The following WWC2 variants were observed in gnomAD, a reference collection of about 807,000 sequenced individuals.
The protein encoded by WWC2 is WW and C2 domain containing 2.
In WWC2, 101 loss-of-function variants were observed where a neutral mutation model predicts 138.5. The observed-to-expected ratio is 0.73, with a 90% CI of 0.62 to 0.86. WWC2 has a LOEUF of 0.86. Ranked by LOEUF, WWC2 falls within the 40% of genes least tolerant of loss-of-function variation. The probability of loss-of-function intolerance (pLI) is 0.00; values close to 1 mark genes in which losing one functional copy is unlikely to be tolerated. For synonymous variants in WWC2, 558 were observed against 538.4 expected, an observed-to-expected ratio of 1.04 and a Z score of -0.50; for missense variants, 1,420 against 1,419.4, an observed-to-expected ratio of 1.00 and a Z score of -0.01.
intron 6 of WWC2, among the ~76,000 whole-genome samples, chr4:183,247,517 A>G (rs1221559013): frequency 2.8e-5 from 4 of 142,520 alleles, no homozygotes; most frequent in East Asian, 3.9e-4. Context: ...TATATACACT[A>G]TACTATATAT....
intron 4 of WWC2, among the ~76,000 whole-genome samples, chr4:183,230,590 T>A (rs751560903): frequency 4.6e-5 from 7 of 152,066 alleles, no homozygotes; most frequent in Non-Finnish European, 8.8e-5. Context: ...GGCAGGAGAA[T>A]CGCTTGAACC....
Position 183,245,409 on chromosome 4 carries a change from T to C in WWC2, c.603-7T>C, listed in dbSNP as rs1243240385. ...GATATTTTTTCTTTCTTTTTCTCTT[T>C]TCACAGAATTGATAAAAAAATGTCT... On this transcript the variant is annotated splice_region_variant and splice_polypyrimidine_tract_variant and intron_variant, in intron 5 of 22. Coordinates refer to ENST00000403733, the MANE Select transcript of WWC2 (RefSeq NM_024949.6). The C allele has an allele frequency of 2.0e-6, 3 of 1,534,804 alleles. No individual in the cohort carries two copies. Among genetic ancestry groups the C allele is most frequent in the Non-Finnish European group, 2.6e-6 (3 of 1,149,018 alleles).
chr4:183,114,741 G>A (rs1732357927), intron 1 of WWC2, among the ~76,000 whole-genome samples: 1 of 151,934 alleles, frequency 6.6e-6, no homozygotes, highest in Non-Finnish European at 1.5e-5. Context: ...TGGGTAGATA[G>A]TGTGTTGCGG....
Position 183,259,717 on chromosome 4 carries a change from A to G in WWC2, c.1275A>G (p.Ser425=). ...ETTKLTTYLH[S]QLKSLSASTL... ...CTAAATTAACTACTTATTTGCATTC[A>G]CAACTTAAAAGGTGAGCTTATCAGA... The change falls in exon 10 of 23, where the codon TCA becomes TCG. Residue 425 remains serine (S), a synonymous_variant. Coordinates refer to ENST00000403733, the MANE Select transcript of WWC2 (RefSeq NM_024949.6). 6.5e-7 allele frequency: 1 copy of G among 1,545,488 alleles called. No homozygotes were observed. The highest frequency in any genetic ancestry group is 8.7e-7 in the Non-Finnish European group (1 of 1,144,696).
At chr4:183,212,846 GCTT>G (rs1395323914) in intron 4 of WWC2, among the ~76,000 whole-genome samples, 1 of 152,090 alleles carries the variant, frequency 6.6e-6, no homozygotes, top group Non-Finnish European at 1.5e-5. Flanking sequence ...CTTAGATTAA[GCTT>G]CTTCTATGCC....
At chr4:183,212,553 G>T (rs1350019755) in intron 4 of WWC2, among the ~76,000 whole-genome samples, 2 of 152,130 alleles carry the variant, frequency 1.3e-5, no homozygotes, top group Non-Finnish European at 2.9e-5. Flanking sequence ...GCACTTCTCA[G>T]CAAGTTATTA....
intron 3 of WWC2, 101 bp from the exon 4 acceptor site, chr4:183,208,848 A>G: frequency 2.7e-6 from 2 of 739,384 alleles, no homozygotes; most frequent in Non-Finnish European, 2.2e-6. Flanking sequence ...GCAAGTATTC[A>G]CAGAAGCACA....
intron 8 of WWC2, among the ~76,000 whole-genome samples, chr4:183,251,705 C>G (rs971653395): frequency 2.6e-5 from 4 of 152,168 alleles, no homozygotes; most frequent in African/African-American, 9.7e-5. Flanking sequence ...GACATTGGTT[C>G]TTTCCCACTT....
intron 1 of WWC2, among the ~76,000 whole-genome samples, chr4:183,120,845 C>T (rs1732576536): frequency 1.3e-5 from 2 of 152,200 alleles, no homozygotes; most frequent in Admixed American, 1.3e-4. Context: ...ACCTCCTGGG[C>T]TCAGGCAGTT....
At chr4:183,215,122 A>G (rs1473568030) in intron 4 of WWC2, among the ~76,000 whole-genome samples, 2 of 152,222 alleles carry the variant, frequency 1.3e-5, no homozygotes, top group South Asian at 2.1e-4. Flanking sequence ...TTTCTCCTAT[A>G]CAGCCATACC....
At chr4:183,239,486 C>A (rs1050565959) in intron 4 of WWC2, among the ~76,000 whole-genome samples, 1 of 152,090 alleles carries the variant, frequency 6.6e-6, no homozygotes, top group African/African-American at 2.4e-5. Flanking sequence ...ATATATTTGA[C>A]AACAGGAAAA....
Position 183,282,724 on chromosome 4 carries a change from G to C in WWC2, c.2701G>C (p.Glu901Gln). 6.4e-7 allele frequency: 1 copy of C among 1,571,640 alleles called. No individual in the cohort carries two copies. Among genetic ancestry groups the C allele is most frequent in the Non-Finnish European group, 8.6e-7 (1 of 1,157,550 alleles). ...TTACCATAGGCTAACAATGCTAAGA[G>C]AGGCCTCTGATGAAATTGTGGCTGA... The part of the protein sequence containing the change: ...PDGDWLTMLR[E>Q]ASDEIVAEKE... The change falls in exon 18 of 23, where the codon GAG becomes CAG. Residue 901 changes from glutamate (E) to glutamine (Q), a missense_variant. By Grantham distance (29) the Glu-to-Gln change is conservative. Coordinates refer to ENST00000403733, the MANE Select transcript of WWC2 (RefSeq NM_024949.6).
chr4:183,129,598 G>T (rs1300913732), intron 1 of WWC2, among the ~76,000 whole-genome samples: 1 of 152,186 alleles, frequency 6.6e-6, no homozygotes, highest in East Asian at 1.9e-4. Context: ...GCCTTATGAA[G>T]TGGTATGTTT....
chr4:183,211,664 C>T (rs1416272626), intron 4 of WWC2, among the ~76,000 whole-genome samples: 1 of 152,114 alleles, frequency 6.6e-6, no homozygotes, highest in Non-Finnish European at 1.5e-5. Flanking sequence ...CGTCTCTTCC[C>T]TATGCCTTAG....
At chr4:183,144,237 G>GT (rs1733385608) in intron 1 of WWC2, among the ~76,000 whole-genome samples, 1 of 152,182 alleles carries the variant, frequency 6.6e-6, no homozygotes, top group Admixed American at 6.5e-5. Flanking sequence ...GATTTTATTA[G>GT]TTTTTCATTA....
At chr4:183,223,118 T>C (rs536794320) in intron 4 of WWC2, among the ~76,000 whole-genome samples, 1 of 152,362 alleles carries the variant, frequency 6.6e-6, no homozygotes, top group Non-Finnish European at 1.5e-5. Context: ...GATACACAAA[T>C]GCTTACAATT....
chr4:183,152,793 G>C (rs952340259), intron 1 of WWC2, among the ~76,000 whole-genome samples: 1 of 151,742 alleles, frequency 6.6e-6, no homozygotes, highest in African/African-American at 2.4e-5. Flanking sequence ...TGAGGCAGGA[G>C]AATCGCTTGA....
At position 183,253,891 on chromosome 4, in the gene WWC2, C is replaced by T; in HGVS notation, c.1088C>T (p.Pro363Leu). 1 of 1,613,808 alleles carries T rather than the reference C, an allele frequency of 6.2e-7. No homozygotes were observed. Among genetic ancestry groups the T allele is most frequent in the South Asian group, 1.1e-5 (1 of 91,056 alleles). The change falls in exon 9 of 23, where the codon CCA becomes CTA. Residue 363 changes from proline (P) to leucine (L), a missense_variant. Transcript: ENST00000403733. ...ELLKELQFVT[P>L]QKRTQDELER... ...TTGAAAGAGCTTCAGTTCGTCACCC[C>T]ACAGAAACGTACCCAAGATGAATTA...
At chr4:183,153,008 G>A in intron 1 of WWC2, among the ~76,000 whole-genome samples, 2 of 152,112 alleles carry the variant, frequency 1.3e-5, no homozygotes, top group African/African-American at 2.4e-5. Flanking sequence ...TGATCCTCCT[G>A]TCTCAGCCTC....
Sources: allele counts gnomAD v4.1 joint callset (sites outside exome capture counted in the v4.1 genomes callset), GRCh38; gene constraint gnomAD v4.1.1; transcripts MANE v1.5; gene names NCBI Gene and HGNC (gene_info 2026-07-23, HGNC 2026-07-21).